Variants in RFPL3 observed in about 807,000 individuals in gnomAD.
The protein encoded by RFPL3 is ret finger protein like 3, also known as ret finger protein-like 3.
A neutral mutation model predicts 8.7 loss-of-function variants in RFPL3; 8 were observed. The observed-to-expected ratio is 0.92, with a 90% CI of 0.54 to 1.66. The LOEUF (loss-of-function observed/expected upper bound fraction) is 1.66, where lower values mean the gene tolerates loss of function less well. RFPL3 is among the 40% of genes most tolerant of loss of function. RFPL3 has a pLI of 0.00. For missense variants in RFPL3, 341 were observed against 395.0 expected (o/e 0.86, Z 1.16); for synonymous variants, 145 against 150.5 (o/e 0.96, Z 0.27).
rs369034987 is a variant in RFPL3, at chr22:32,358,032, G to A, written c.-40G>A. On this transcript the variant is annotated 5_prime_UTR_variant, in exon 1 of 2. Coordinates refer to ENST00000249007, the MANE Select transcript of RFPL3 (RefSeq NM_001098535.1). ...CTTGAGTGTTTGTACTCATGGTCTT[G>A]TTCTCGGAGTGACAAAGCTGGAACA... 4.2e-4 allele frequency: 665 copies of A among 1,592,414 alleles called. 1 individual carries two copies. The African/African-American group carries it at 5.0e-3, about 12-fold the overall frequency.
At chr22:32,355,264 G>C (rs1037184916), upstream of RFPL3, among the ~76,000 whole-genome samples, 1 of 152,080 alleles carries the variant, frequency 6.6e-6, no homozygotes, top group Non-Finnish European at 1.5e-5. Flanking sequence ...AGATCTAGAG[G>C]TTTTTCTTCT....
chr22:32,360,377 G>A lies in RFPL3; in HGVS notation c.499G>A (p.Val167Ile), dbSNP rs780830944. ...CCTTGCCGAGAGATTTGACGTGTCC[G>A]TTTGCATCCTGGGCTCCCCTCGCTT... ...QDLAERFDVS[V>I]CILGSPRFTC... The change falls in exon 2 of 2, where the codon GTT becomes ATT. Residue 167 changes from valine (V) to isoleucine (I), a missense_variant. Physicochemically the swap from Val to Ile is conservative, Grantham distance 29. Transcript: ENST00000249007. 62 of 1,613,914 alleles carry A rather than the reference G, an allele frequency of 3.8e-5. No individual in the cohort carries two copies. In the Middle Eastern group the frequency reaches 1.2e-3, roughly 30 times the overall value.
upstream of RFPL3, among the ~76,000 whole-genome samples, chr22:32,357,190 C>G (rs1007914771): frequency 6.6e-6 from 1 of 152,162 alleles, no homozygotes; most frequent in African/African-American, 2.4e-5. Flanking sequence ...CTGTCCCCTG[C>G]CCACCAGTGG....
intron 1 of RFPL3, 78 bp downstream of exon 1, chr22:32,358,522 A>G: frequency 6.6e-7 from 1 of 1,526,370 alleles, no homozygotes; most frequent in Non-Finnish European, 8.8e-7. Context: ...CCCTCATTCC[A>G]CATGGGGATT....
upstream of RFPL3, chr22:32,357,733 C>A: frequency 1.7e-6 from 1 of 578,342 alleles, no homozygotes; most frequent in Non-Finnish European, 2.4e-6. Context: ...TCCCGAAGTG[C>A]TGGGATTACA....
Position 32,360,421 on chromosome 22 carries a change from C to A in RFPL3, c.543C>A (p.Tyr181Ter), listed in dbSNP as rs1932769016. The A allele has an allele frequency of 6.2e-7, 1 of 1,613,848 alleles. No homozygotes were observed. Among genetic ancestry groups the A allele is most frequent in the African/African-American group, 1.3e-5 (1 of 74,892 alleles). ...GSPRFTCGRH[Y>*]WEVDVGTSTE... ...CTCGCTTTACCTGTGGCCGCCACTA[C>A]TGGGAGGTGGACGTGGGAACAAGCA... Residue 181 changes from tyrosine to a stop codon, truncating the protein, a stop_gained, in exon 2 of 2, where the codon TAC (tyrosine) becomes TAA (stop). Coordinates refer to ENST00000249007, the MANE Select transcript of RFPL3 (RefSeq NM_001098535.1). LOFTEE classifies it low-confidence loss of function (END_TRUNC).
intron 1 of RFPL3, 31 bp downstream of exon 1, chr22:32,358,475 C>T (rs1288738591): frequency 6.3e-7 from 1 of 1,584,446 alleles, no homozygotes; most frequent in Admixed American, 1.8e-5. Flanking sequence ...GCCCCCTTCC[C>T]AAGACCAGAC....
Position 32,358,049 on chromosome 22 carries a change from G to A in RFPL3, c.-23G>A, listed in dbSNP as rs11089557. ...ATGGTCTTGTTCTCGGAGTGACAAA[G>A]CTGGAACACAATACCTCTATGCATG... On this transcript the variant is annotated 5_prime_UTR_variant, in exon 1 of 2. Coordinates refer to ENST00000249007, the MANE Select transcript of RFPL3 (RefSeq NM_001098535.1). The A allele has an allele frequency of 0.07, 112,529 of 1,599,598 alleles. 8,250 individuals are homozygous for A. Among genetic ancestry groups the A allele is most frequent in the East Asian group, 0.47 (20,987 of 44,566 alleles).
In RFPL3 at chr22:32,360,750, G is replaced by C; in HGVS notation, c.872G>C (p.Gly291Ala). Residue 291 changes from glycine to alanine, a missense_variant, in exon 2 of 2, where the codon GGT becomes GCT. Coordinates refer to ENST00000249007, the MANE Select transcript of RFPL3 (RefSeq NM_001098535.1). ...PFLAPSIPPN[G>A]DQGVLSICPL... ...TTGGCTCCTTCAATTCCACCTAATG[G>C]TGATCAAGGTGTCTTGAGCATCTGT... 6.2e-7 allele frequency: 1 copy of C among 1,613,376 alleles called. No homozygotes were observed. Among genetic ancestry groups the C allele is most frequent in the Non-Finnish European group, 8.5e-7 (1 of 1,179,674 alleles).
rs1196529572 is a variant in RFPL3, at chr22:32,361,105, GT to G, written c.*275del. The G allele has an allele frequency of 1.2e-5, 4 of 321,940 alleles. No homozygotes were observed. Among genetic ancestry groups the G allele is most frequent in the Non-Finnish European group, 2.2e-5 (4 of 178,802 alleles). The allele number at this position is 321,940 out of a possible 1,614,324, so 19.9% of individuals were successfully genotyped here. A position where few individuals can be genotyped will look rare whatever the true frequency, so the allele number is the denominator to read the frequency against. On this transcript the variant is annotated 3_prime_UTR_variant, in exon 2 of 2. Coordinates refer to ENST00000249007, the MANE Select transcript of RFPL3 (RefSeq NM_001098535.1). ...ATGCTTTACTTTTTCATTTCTGTAA[GT>G]TCAAATCAATGTTTAAATTATAGAA...
upstream of RFPL3, among the ~76,000 whole-genome samples, chr22:32,355,609 G>C (rs910352685): frequency 6.6e-6 from 1 of 152,054 alleles, no homozygotes; most frequent in African/African-American, 2.4e-5. Context: ...GCATGTGTCA[G>C]AGACCAAATC....
upstream of RFPL3, among the ~76,000 whole-genome samples, chr22:32,355,069 TC>T (rs1166894994): frequency 7.1e-5 from 10 of 141,530 alleles, no homozygotes; most frequent in Admixed American, 5.8e-4. Context: ...ATGACAAAAC[TC>T]CCCCCACTTG....
intron 1 of RFPL3, among the ~76,000 whole-genome samples, chr22:32,359,484 A>G (rs1281760101): frequency 1.3e-5 from 2 of 151,918 alleles, no homozygotes; most frequent in African/African-American, 2.4e-5. Context: ...TGCCTCCTCC[A>G]TGAGAATTGG....
upstream of RFPL3, chr22:32,356,722 G>A (rs1394933477): frequency 5.4e-6 from 2 of 371,334 alleles, no homozygotes; most frequent in South Asian, 4.4e-5. Context: ...GCTCTCTTGT[G>A]TGTGACCTTA....
chr22:32,357,684 G>T (rs1176680238), upstream of RFPL3, among the ~76,000 whole-genome samples: 1 of 152,024 alleles, frequency 6.6e-6, no homozygotes, highest in Non-Finnish European at 1.5e-5. Context: ...GGCTGGTCTC[G>T]AACTTTTGAT....
chr22:32,357,321 C>G (rs1286019031), upstream of RFPL3, among the ~76,000 whole-genome samples: 1 of 152,164 alleles, frequency 6.6e-6, no homozygotes, highest in East Asian at 1.9e-4. Context: ...CTGGCGTGGT[C>G]TCTGCTCACT....
chr22:32,354,979 G>A (rs1288156049), upstream of RFPL3: 2 of 152,270 alleles, frequency 1.3e-5, no homozygotes, highest in Non-Finnish European at 2.9e-5. Context: ...AGACTCCAGT[G>A]TGCTCAGGAA....
Position 32,358,219 on chromosome 22 carries a change from C to T in RFPL3, c.148C>T (p.Pro50Ser). ...CGTCTGCTCAGACTATCTGGAAAAACCAATGTCCCTGGAGTGTGGATGCAC... is the reference window on the plus strand; with the variant it reads ...CGTCTGCTCAGACTATCTGGAAAAATCAATGTCCCTGGAGTGTGGATGCAC... ...CPVCSDYLEKPMSLECGCTVC... is the reference protein window; with the variant it reads ...CPVCSDYLEKSMSLECGCTVC... Residue 50 changes from proline (P) to serine (S), a missense_variant, in exon 1 of 2, where the codon CCA (proline) becomes TCA (serine). By Grantham distance (74) the Pro-to-Ser change is moderately conservative. Transcript: ENST00000249007. 2 of 1,613,978 alleles carry T rather than the reference C, an allele frequency of 1.2e-6. No homozygotes were observed. Among genetic ancestry groups the T allele is most frequent in the Non-Finnish European group, 1.7e-6 (2 of 1,179,882 alleles).
intron 1 of RFPL3, chr22:32,359,903 G>A: frequency 3.7e-6 from 1 of 272,188 alleles, no homozygotes; most frequent in Non-Finnish European, 6.9e-6. Context: ...TTGACCACTT[G>A]CATTGTCTTA....
Sources: allele counts gnomAD v4.1 joint callset (sites outside exome capture counted in the v4.1 genomes callset), GRCh38; gene constraint gnomAD v4.1.1; transcripts MANE v1.5; gene names NCBI Gene and HGNC (gene_info 2026-07-23, HGNC 2026-07-21).